The following EPPK1 variants were observed in gnomAD, a reference collection of about 807,000 sequenced individuals.
The protein encoded by EPPK1 is epiplakin 1, also known as epiplakin.
For missense variants in EPPK1, 3,823 were observed against 3,673.3 expected (o/e 1.04, Z -1.05); for synonymous variants, 1,862 against 1,721.2 (o/e 1.08, Z -2.03).
chr8:143,877,077 G>A (rs797035521), intron 1 of EPPK1, among the ~76,000 whole-genome samples: 9 of 152,388 alleles, frequency 5.9e-5, no homozygotes, highest in African/African-American at 2.2e-4. Flanking sequence ...CAGGGAGTCG[G>A]GGGCAGGCTT....
rs1819335687 is a variant in EPPK1, at chr8:143,871,188, G to A, written c.2066C>T (p.Thr689Ile). 6.2e-7 allele frequency: 1 copy of A among 1,613,272 alleles called. No homozygotes were observed. Among genetic ancestry groups the A allele is most frequent in the Non-Finnish European group, 8.5e-7 (1 of 1,180,024 alleles). ...AKLLSAERAV[T>I]GYTDPYTGQQ... ...CCCGGTGTAGGGGTCAGTGTAGCCA[G>A]TGACAGCGCGCTCAGCCGACAGCAG... The change falls in exon 2 of 2, where the codon ACT (threonine) becomes ATT (isoleucine). Residue 689 changes from threonine (T) to isoleucine (I), a missense_variant. By Grantham distance (89) the Thr-to-Ile change is moderately conservative. Coordinates refer to ENST00000615648, the MANE Select transcript of EPPK1 (RefSeq NM_031308.4).
Position 143,867,976 on chromosome 8 carries a change from T to C in EPPK1, c.5278A>G (p.Ile1760Val), listed in dbSNP as rs1554659700. ...TACACGTAGTTTTCTCCTTTCTTTATGATTTGTAGCAGGTACAGGCCCGTC... is the reference window on the plus strand; with the variant it reads ...TACACGTAGTTTTCTCCTTTCTTTACGATTTGTAGCAGGTACAGGCCCGTC... ...PETGLYLLQI[I>V]KKGENYVYIN... is the part of the protein sequence containing the mutation. Residue 1760 changes from isoleucine (I) to valine (V), a missense_variant, in exon 2 of 2, where the codon ATA becomes GTA. Ile to Val is a conservative substitution (Grantham distance 29, BLOSUM62 3). Transcript: ENST00000615648. 6.2e-7 allele frequency: 1 copy of C among 1,613,650 alleles called. No homozygotes were observed. The highest frequency in any genetic ancestry group is 1.1e-5 in the South Asian group (1 of 91,066).
rs782448333 is a variant in EPPK1 at position 143,870,923 on chromosome 8, C to T, written c.2331G>A (p.Thr777=). 17 of 1,613,326 alleles carry T rather than the reference C, an allele frequency of 1.1e-5. No homozygotes were observed. The highest frequency in any genetic ancestry group is 2.2e-5 in the East Asian group (1 of 44,904). Residue 777 remains threonine, a synonymous_variant, in exon 2 of 2, where the codon ACG becomes ACA. Coordinates refer to ENST00000615648, the MANE Select transcript of EPPK1 (RefSeq NM_031308.4). This position sits in a 1 kb window ranked among gnomAD's most constrained non-coding sequence, Gnocchi z 5.2. ...CACAGCGCTCCAGAAGCTGCAGGTA[C>T]GTGAGGTTCTCGTGCGTGTTGGGGT... ...FFDPNTHENL[T]YLQLLERCVR...
chr8:143,869,447 G>C lies in EPPK1; in HGVS notation c.3807C>G (p.Gly1269=). ...KASIAQAVRD[G]LLPTGLGQRL... is the part of the protein sequence containing the mutation. ...TCTGGCCCAGGCCTGTGGGCAGGAG[G>C]CCATCCCTCACGGCCTGGGCGATGC... Residue 1269 remains glycine (G), a synonymous_variant, in exon 2 of 2, where the codon GGC becomes GGG. Coordinates refer to ENST00000615648, the MANE Select transcript of EPPK1 (RefSeq NM_031308.4). 6.3e-7 allele frequency: 1 copy of C among 1,577,184 alleles called. No individual in the cohort carries two copies. Among genetic ancestry groups the C allele is most frequent in the South Asian group, 1.2e-5 (1 of 86,734 alleles).
rs782274434 is a variant in EPPK1 at position 143,866,722 on chromosome 8, T to C, written c.6532A>G (p.Arg2178Gly). 1.9e-6 allele frequency: 3 copies of C among 1,613,480 alleles called. No homozygotes were observed. The highest frequency in any genetic ancestry group is 2.5e-6 in the Non-Finnish European group (3 of 1,179,884). The change falls in exon 2 of 2, where the codon AGA (arginine) becomes GGA (glycine). Residue 2178 changes from arginine to glycine, a missense_variant. Arg to Gly is a moderately radical substitution (Grantham distance 125). Transcript: ENST00000615648. ...SNKHLWFQGI[R>G]RQITASELLS... ...AGTTCAGAAGCTGTGATCTGTCGTCTAATTCCTTGGAACCACAGGTGTTTG... is the reference window on the plus strand; with the variant it reads ...AGTTCAGAAGCTGTGATCTGTCGTCCAATTCCTTGGAACCACAGGTGTTTG...
rs782782568 is a variant in EPPK1 at position 143,868,070 on chromosome 8, G to A, written c.5184C>T (p.Phe1728=). The part of the protein sequence containing the change: ...LADPSDDTKG[F]FDPNTHENLT... ...GGTTCTCGTGCGTGTTGGGGTCGAA[G>A]AAGCCCTTGGTGTCGTCGCTGGGGT... is the stretch of plus-strand genomic sequence containing the variant. The change falls in exon 2 of 2, where the codon TTC becomes TTT. Residue 1728 remains phenylalanine (F), a synonymous_variant. Transcript: ENST00000615648. 4.3e-6 allele frequency: 7 copies of A among 1,613,488 alleles called. No individual in the cohort carries two copies. In the South Asian group the frequency reaches 5.5e-5, roughly 13 times the overall value.
At position 143,866,574 on chromosome 8, in the gene EPPK1, G is replaced by A. The variant is rs1268567483; in HGVS notation, c.6680C>T (p.Ala2227Val). The change falls in exon 2 of 2, where the codon GCG becomes GTG. Residue 2227 changes from alanine to valine, a missense_variant. Physicochemically the swap from Ala to Val is moderately conservative, Grantham distance 64. Transcript: ENST00000615648. ...KRYLEGTSCIAGVLVPAKDQP... is the reference protein window; with the variant it reads ...KRYLEGTSCIVGVLVPAKDQP... ...GTCCTTGGCGGGCACCAGGACGCCC[G>A]CGATGCAGCTGGTGCCCTCCAGGTA... 41 of 1,610,696 alleles carry A rather than the reference G, an allele frequency of 2.5e-5. No individual in the cohort carries two copies. The highest frequency in any genetic ancestry group is 3.3e-4 in the Middle Eastern group (2 of 6,068).
chr8:143,871,116 C>T lies in EPPK1; in HGVS notation c.2138G>A (p.Arg713Gln), dbSNP rs937003274. ...FQAMQKGLIV[R>Q]EHGIRLLEAQ... ...CTCCAGCAGGCGGATGCCGTGCTCC[C>T]GGACGATGAGGCCCTTCTGCATGGC... The change falls in exon 2 of 2, where the codon CGG becomes CAG. Residue 713 changes from arginine (R) to glutamine (Q), a missense_variant. Transcript: ENST00000615648. 7.4e-6 allele frequency: 12 copies of T among 1,613,184 alleles called. No homozygotes were observed. The highest frequency in any genetic ancestry group is 2.2e-5 in the East Asian group (1 of 44,876).
Position 143,871,633 on chromosome 8 carries a change from G to C in EPPK1, c.1621C>G (p.Leu541Val). 1 of 1,603,956 alleles carries C rather than the reference G, an allele frequency of 6.2e-7. No homozygotes were observed. ...YQEGTLSVEK[L>V]AAKLSATLEQ... ...AGGGTGGCGCTCAGCTTAGCGGCCA[G>C]CTTCTCCACGGAGAGGGTCCCTTCC... Residue 541 changes from leucine to valine, a missense_variant, in exon 2 of 2, where the codon CTG becomes GTG. Leu to Val is a conservative substitution (Grantham distance 32). Transcript: ENST00000615648.
intron 1 of EPPK1, 52 bp from the exon 2 acceptor site, chr8:143,873,350 C>T (rs1238667663): frequency 1.3e-5 from 17 of 1,319,954 alleles, no homozygotes; most frequent in Non-Finnish European, 1.7e-5. Flanking sequence ...CTGGTGGGCA[C>T]GAGGGAAGAT....
chr8:143,873,146 G>A lies in EPPK1; in HGVS notation c.108C>T (p.Pro36=), dbSNP rs781898781. Residue 36 remains proline (P), a synonymous_variant, in exon 2 of 2, where the codon CCC becomes CCT. Transcript: ENST00000615648. The part of the protein sequence containing the change: ...MAATLGAGTP[P]RPQARSIAGV... ...CAGCTATGCTCCTGGCCTGGGGCCT[G>A]GGGGGCGTGCCGGCTCCCAGCGTGG... is the stretch of plus-strand genomic sequence containing the variant. The A allele has an allele frequency of 5.0e-6, 8 of 1,587,030 alleles. No homozygotes were observed. The Middle Eastern group carries it at 5.0e-4, about 100-fold the overall frequency.
rs1245083844 is a variant in EPPK1, at chr8:143,866,453, C to T, written c.6801G>A (p.Ala2267=). The T allele has an allele frequency of 8.3e-3, 11,926 of 1,429,034 alleles. 81 individuals carry two copies. The highest frequency in any genetic ancestry group is 0.019 in the Middle Eastern group (80 of 4,108). The allele number at this position is 1,429,034 out of a possible 1,614,324, so 88.5% of individuals were successfully genotyped here. ...CGGGGTCGATGACGAAGCCGGTGGC[C>T]GCCTGCGCCTCCAGCAGCACCAGGG... ...GTALVLLEAQ[A]ATGFVIDPVR... Residue 2267 remains alanine, a synonymous_variant, in exon 2 of 2, where the codon GCG becomes GCA. Transcript: ENST00000615648.
intron 1 of EPPK1, among the ~76,000 whole-genome samples, chr8:143,876,296 T>A (rs747558942): frequency 6.6e-6 from 1 of 152,124 alleles, no homozygotes. Flanking sequence ...TGGTCACACC[T>A]GACAAGCCCT....
At position 143,870,685 on chromosome 8, in the gene EPPK1, G is replaced by A. The variant is rs369375544; in HGVS notation, c.2569C>T (p.Arg857Cys). 21 of 1,608,992 alleles carry A rather than the reference G, an allele frequency of 1.3e-5. No individual in the cohort carries two copies. The highest frequency in any genetic ancestry group is 1.7e-5 in the Non-Finnish European group (20 of 1,178,298). Residue 857 changes from arginine to cysteine, a missense_variant, in exon 2 of 2, where the codon CGC (arginine) becomes TGC (cysteine). Physicochemically the swap from Arg to Cys is radical, Grantham distance 180. Transcript: ENST00000615648. This position sits in a 1 kb window ranked among gnomAD's most constrained non-coding sequence, Gnocchi z 5.2. Reference sequence around the variant, plus strand: ...GCCACCTGCCCCAGCGTGACCTCGCGCTGCCGGTAGCGACGCAGCAGCTGC... The same window carrying A: ...GCCACCTGCCCCAGCGTGACCTCGCACTGCCGGTAGCGACGCAGCAGCTGC... ...RRQLLRRYRQ[R>C]EVTLGQVAKL...
chr8:143,859,254 CGGAGGCGGCCCA>C lies in EPPK1; in HGVS notation c.13988_13999del (p.Val4663_Arg4667delinsGly), dbSNP rs1818989395. 2.6e-6 allele frequency: 1 copy of C among 385,540 alleles called. No individual in the cohort carries two copies. Among genetic ancestry groups the C allele is most frequent in the African/African-American group, 2.1e-5 (1 of 47,288 alleles). The allele number at this position is 385,540 out of a possible 1,614,324, so 23.9% of individuals were successfully genotyped here. Reference sequence around the variant, plus strand: ...GTCCCACACGGGCACCGCGCGCCCCCGGAGGCGGCCCACCTTGACCTCCATGGTGGCCGCACG... The same window carrying C: ...GTCCCACACGGGCACCGCGCGCCCCCCCTTGACCTCCATGGTGGCCGCACG... On this transcript the variant is annotated inframe_deletion, in exon 2 of 2. Transcript: ENST00000615648.
In EPPK1 at chr8:143,870,399, T is replaced by C. The variant is rs1408207724; in HGVS notation, c.2855A>G (p.Gln952Arg). 13 of 1,581,024 alleles carry C rather than the reference T, an allele frequency of 8.2e-6. No homozygotes were observed. Among genetic ancestry groups the C allele is most frequent in the Non-Finnish European group, 1.1e-5 (13 of 1,169,298 alleles). The change falls in exon 2 of 2, where the codon CAG (glutamine) becomes CGG (arginine). Residue 952 changes from glutamine (Q) to arginine (R), a missense_variant. Gln to Arg is a conservative substitution (Grantham distance 43, BLOSUM62 1). Transcript: ENST00000615648. This position sits in a 1 kb window ranked among gnomAD's most constrained non-coding sequence, Gnocchi z 5.2. Reference sequence around the variant, plus strand: ...GGCCACCCTGGGCCCCAGCAGCTTCTGCCTCATGGCCTGGTAGAGGCTGAG... The same window carrying C: ...GGCCACCCTGGGCCCCAGCAGCTTCCGCCTCATGGCCTGGTAGAGGCTGAG... ...QRLSLYQAMR[Q>R]KLLGPRVALA... is the part of the protein sequence containing the mutation.
chr8:143,871,082 G>T lies in EPPK1; in HGVS notation c.2172C>A (p.Ile724=). The stretch of plus-strand genomic sequence containing the variant: ...CGGGGTCGATGACGCCGCCCGTGGC[G>T]ATCTGGGCCTCCAGCAGGCGGATGC... ...EHGIRLLEAQ[I]ATGGVIDPVH... is the part of the protein sequence containing the mutation. The change falls in exon 2 of 2, where the codon ATC becomes ATA. Residue 724 remains isoleucine (I), a synonymous_variant. Coordinates refer to ENST00000615648, the MANE Select transcript of EPPK1 (RefSeq NM_031308.4). 1 of 1,612,980 alleles carries T rather than the reference G, an allele frequency of 6.2e-7. No individual in the cohort carries two copies. The highest frequency in any genetic ancestry group is 8.5e-7 in the Non-Finnish European group (1 of 1,179,956).
Position 143,871,294 on chromosome 8 carries a change from T to C in EPPK1, c.1960A>G (p.Ile654Val). 7 of 1,612,640 alleles carry C rather than the reference T, an allele frequency of 4.3e-6. No homozygotes were observed. Among genetic ancestry groups the C allele is most frequent in the Non-Finnish European group, 5.9e-6 (7 of 1,179,720 alleles). Residue 654 changes from isoleucine to valine, a missense_variant, in exon 2 of 2, where the codon ATC (isoleucine) becomes GTC (valine). Ile to Val is a conservative substitution (Grantham distance 29). Coordinates refer to ENST00000615648, the MANE Select transcript of EPPK1 (RefSeq NM_031308.4). Reference protein sequence around the residue: ...LEAQAATGFIIDPKANKGHSV... With the variant: ...LEAQAATGFIVDPKANKGHSV... ...TGCCCCTTGTTTGCTTTTGGGTCGA[T>C]GATGAAGCCTGTGGCAGCTTGTGCC... is the stretch of plus-strand genomic sequence containing the variant.
chr8:143,875,657 C>T (rs1039679619), intron 1 of EPPK1, among the ~76,000 whole-genome samples: 3 of 152,374 alleles, frequency 2.0e-5, no homozygotes, highest in South Asian at 2.1e-4. Flanking sequence ...GCCAGCTGGC[C>T]GGTGCGCCAC....
Sources: gnomAD v4.1 joint callset for allele counts (sites outside exome capture counted in the v4.1 genomes callset) on GRCh38, gnomAD v4.1.1 for gene constraint, Gnocchi (gnomAD v3.1) non-coding constraint, MANE v1.5 for transcripts, NCBI Gene and HGNC (gene_info 2026-07-23, HGNC 2026-07-21) for gene names.